GRIK1: variants seen among roughly 807,000 people sequenced by gnomAD.
GRIK1 encodes glutamate ionotropic receptor kainate type subunit 1, also known as glutamate receptor ionotropic, kainate 1.
In GRIK1, 69 loss-of-function variants were observed where a neutral mutation model predicts 105.7. That is an observed-to-expected ratio of 0.65 (90% confidence interval 0.54 to 0.80). The LOEUF is 0.80. Among genes scored for constraint, GRIK1 ranks in the 30% least tolerant of loss-of-function variants. GRIK1 has a pLI of 0.00. For synonymous variants in GRIK1, 438 were observed against 431.3 expected (o/e 1.02, Z -0.19); for missense variants, 1,109 against 1,167.3 (o/e 0.95, Z 0.73).
intron 14 of GRIK1, among the ~76,000 whole-genome samples, chr21:29,571,284 G>T (rs1416653446): frequency 6.6e-6 from 1 of 151,784 alleles, no homozygotes; most frequent in Non-Finnish European, 1.5e-5. Context: ...TTGAACTCAG[G>T]AGGCAGAGGT....
intron 1 of GRIK1, 129 bp downstream of exon 1, chr21:29,939,254 C>G: frequency 3.2e-6 from 2 of 626,198 alleles, no homozygotes; most frequent in Non-Finnish European, 5.7e-6. Context: ...CTCCCATGAG[C>G]ACTGACCTCC....
At chr21:29,896,068 ACTAAACTGATATTCTATC>A (rs2070142015) in intron 1 of GRIK1, among the ~76,000 whole-genome samples, 1 of 152,072 alleles carries the variant, frequency 6.6e-6, no homozygotes, top group Admixed American at 6.6e-5. Flanking sequence ...AAATATTTTC[ACTAAACTGATATTCTATC>A]CTATAGCTAC....
chr21:29,604,234 G>A (rs2061571976), intron 7 of GRIK1, among the ~76,000 whole-genome samples: 1 of 152,020 alleles, frequency 6.6e-6, no homozygotes, highest in Admixed American at 6.6e-5. Flanking sequence ...CATCCAAGTG[G>A]CAAAAAAGTT....
Position 29,562,427 on chromosome 21 carries a change from G to A in GRIK1, c.2131-578C>T, listed in dbSNP as rs143239017. ...CCCAGCACTTTGGGAGGCCGAGGTG[G>A]GCAGATCACATAAAGGTTAGGAGTT... On this transcript the variant is annotated intron_variant, in intron 14 of 17. Coordinates refer to ENST00000327783, the MANE Select transcript of GRIK1 (RefSeq NM_001330994.2). 4.9e-4 allele frequency among the ~76,000 whole-genome samples: 74 copies of A among 152,258 alleles called. 1 individual carries two copies. Among genetic ancestry groups the A allele is most frequent in the African/African-American group, 1.5e-3 (63 of 41,532 alleles).
At chr21:29,705,951 G>T (rs1404304030) in intron 1 of GRIK1, among the ~76,000 whole-genome samples, 4 of 147,508 alleles carry the variant, frequency 2.7e-5, no homozygotes, top group African/African-American at 1.0e-4. Flanking sequence ...TCGGCTCGCT[G>T]CAACCTCTGG....
At chr21:29,582,404 C>T (rs16984407) in intron 12 of GRIK1, 9 of 433,864 alleles carry the variant, frequency 2.1e-5, no homozygotes, top group South Asian at 1.2e-4. Context: ...CAAGGTGGTG[C>T]GCTATGGGCA....
chr21:29,888,203 C>T (rs866070516), intron 1 of GRIK1, among the ~76,000 whole-genome samples: 6,631 of 12,746 alleles, frequency 0.52, 1,187 homozygotes, highest in Non-Finnish European at 0.61. Context: ...CTTTCTCTCT[C>T]TCTCTCTCTC....
intron 1 of GRIK1, among the ~76,000 whole-genome samples, chr21:29,742,728 A>G (rs1170323514): frequency 6.6e-6 from 1 of 152,214 alleles, no homozygotes; most frequent in Non-Finnish European, 1.5e-5. Context: ...GGTTTCTTCT[A>G]GTACTTGTAT....
At chr21:29,624,581 A>G (rs1601306703) in intron 7 of GRIK1, among the ~76,000 whole-genome samples, 2 of 152,204 alleles carry the variant, frequency 1.3e-5, no homozygotes, top group East Asian at 3.8e-4. Flanking sequence ...CAAAACCTGA[A>G]TTTCCAAGGC....
At chr21:29,801,833 G>A (rs1329087042) in intron 1 of GRIK1, among the ~76,000 whole-genome samples, 1 of 152,080 alleles carries the variant, frequency 6.6e-6, no homozygotes, top group Non-Finnish European at 1.5e-5. Context: ...TATTTCATAA[G>A]GCAATTCTTT....
chr21:29,557,227 G>C (rs1256921032), intron 15 of GRIK1, among the ~76,000 whole-genome samples: 3 of 151,892 alleles, frequency 2.0e-5, no homozygotes, highest in African/African-American at 7.3e-5. Context: ...AGTACACCCT[G>C]GTTTTCTCTA....
intron 1 of GRIK1, among the ~76,000 whole-genome samples, chr21:29,802,776 T>A (rs2066748513): frequency 6.6e-6 from 1 of 152,178 alleles, no homozygotes; most frequent in Admixed American, 6.6e-5. Flanking sequence ...AAGAAATGTG[T>A]CTTGACCAAT....
rs370401967 is a variant in GRIK1 at position 29,702,666 on chromosome 21, G to A, written c.119-8603C>T. The stretch of plus-strand genomic sequence containing the variant: ...GCGGAGGTTGCAGTGAGCCGAGATC[G>A]CACCACTGCACTCCAGCCTGGGTGA... On this transcript the variant is annotated intron_variant, in intron 1 of 17. Transcript: ENST00000327783. Among the ~76,000 whole-genome samples the A allele has an allele frequency of 4.6e-5, 7 of 152,226 alleles. No individual in the cohort carries two copies. The South Asian group carries it at 1.0e-3, about 23-fold the overall frequency.
chr21:29,538,470 A>C (rs1568786530), intron 16 of GRIK1, among the ~76,000 whole-genome samples: 1 of 152,166 alleles, frequency 6.6e-6, no homozygotes, highest in Non-Finnish European at 1.5e-5. Context: ...CAATTATGCA[A>C]GATAAATAAG....
At chr21:29,785,555 C>G (rs2066235539) in intron 1 of GRIK1, among the ~76,000 whole-genome samples, 2 of 111,576 alleles carry the variant, frequency 1.8e-5, no homozygotes, top group Non-Finnish European at 3.4e-5. Flanking sequence ...CAGAGTGAGA[C>G]TGTCTCAAAA....
chr21:29,883,274 G>C (rs1275320181), intron 1 of GRIK1, among the ~76,000 whole-genome samples: 1 of 152,054 alleles, frequency 6.6e-6, no homozygotes, highest in Non-Finnish European at 1.5e-5. Context: ...AACTCTTGTG[G>C]TTCTATGAAA....
intron 1 of GRIK1, among the ~76,000 whole-genome samples, chr21:29,701,492 G>A (rs1018682961): frequency 3.9e-5 from 6 of 152,194 alleles, no homozygotes; most frequent in African/African-American, 9.7e-5. Context: ...GGTAGAAGAC[G>A]AGCTCAGAGA....
chr21:29,788,424 G>A (rs1601699147), intron 1 of GRIK1, among the ~76,000 whole-genome samples: 1 of 152,286 alleles, frequency 6.6e-6, no homozygotes, highest in South Asian at 2.1e-4. Flanking sequence ...AACCTAAGGA[G>A]GCCAGTGAGC....
At chr21:29,700,837 G>C (rs906055972) in intron 1 of GRIK1, among the ~76,000 whole-genome samples, 4 of 152,008 alleles carry the variant, frequency 2.6e-5, no homozygotes, top group Non-Finnish European at 4.4e-5. Context: ...CTTCCCAAAA[G>C]GAATTTCAGA....
Sources: gnomAD v4.1 joint callset for allele counts (sites outside exome capture counted in the v4.1 genomes callset) on GRCh38, gnomAD v4.1.1 for gene constraint, MANE v1.5 for transcripts, NCBI Gene and HGNC (gene_info 2026-07-23, HGNC 2026-07-21) for gene names.